Variants in RBFOX1 observed in about 807,000 individuals in gnomAD.
RBFOX1 encodes RNA binding fox-1 homolog 1, also known as RNA binding protein fox-1 homolog 1.
In RBFOX1, 8 loss-of-function variants were observed where a neutral mutation model predicts 57.7. That is an observed-to-expected ratio of 0.14 (90% confidence interval 0.08 to 0.25). The LOEUF is 0.25. RBFOX1 is among the 10% of genes least tolerant of loss of function. The pLI is 1.00. For missense variants in RBFOX1, 611 were observed against 548.5 expected, an observed-to-expected ratio of 1.11 and a Z score of -1.14; for synonymous variants, 326 against 222.4, an observed-to-expected ratio of 1.47 and a Z score of -4.15.
At chr16:6,182,896 CT>C (rs1199642083) in intron 1 of RBFOX1, among the ~76,000 whole-genome samples, 2 of 152,032 alleles carry the variant, frequency 1.3e-5, no homozygotes, top group African/African-American at 2.4e-5. Flanking sequence ...TGTTAATGTA[CT>C]TTTATCAGCT....
Position 6,108,838 on chromosome 16 carries a change from A to G in RBFOX1, c.-127+88846A>G, listed in dbSNP as rs149560345. Reference sequence around the variant, plus strand: ...CACATCACCTTTTCCTCTTCTGTACACGTCTGATCTCCCTCTGCTCTCTCT... The same window carrying G: ...CACATCACCTTTTCCTCTTCTGTACGCGTCTGATCTCCCTCTGCTCTCTCT... On this transcript the variant is annotated intron_variant, in intron 1 of 15. Transcript: ENST00000550418. 8.2e-4 allele frequency among the ~76,000 whole-genome samples: 124 copies of G among 152,074 alleles called. 1 individual carries two copies. The East Asian group carries it at 0.022, about 27-fold the overall frequency.
intron 3 of RBFOX1, among the ~76,000 whole-genome samples, chr16:6,790,805 G>C (rs1231841452): frequency 6.6e-6 from 1 of 152,124 alleles, no homozygotes; most frequent in Non-Finnish European, 1.5e-5. Flanking sequence ...TTCTGCTAGA[G>C]GGTGGTATTT....
At chr16:5,756,094 A>C (rs569437793) in intron 3 of RBFOX1, among the ~76,000 whole-genome samples, 8 of 152,184 alleles carry the variant, frequency 5.3e-5, no homozygotes, top group Admixed American at 3.9e-4. Context: ...CTTCTAAGTC[A>C]GGCACTAGGA....
chr16:7,108,607 T>C (rs532277732), intron 4 of RBFOX1, among the ~76,000 whole-genome samples: 3 of 152,276 alleles, frequency 2.0e-5, no homozygotes, highest in Admixed American at 6.5e-5. Context: ...TTGTTAGAGA[T>C]ATGATTAATT....
At chr16:7,180,981 G>A (rs1222744506) in intron 4 of RBFOX1, among the ~76,000 whole-genome samples, 1 of 152,190 alleles carries the variant, frequency 6.6e-6, no homozygotes, top group African/African-American at 2.4e-5. Flanking sequence ...TAGAGAAAAA[G>A]CAGTCATAGG....
intron 4 of RBFOX1, among the ~76,000 whole-genome samples, chr16:5,948,350 C>T (rs1472812824): frequency 6.6e-6 from 1 of 152,192 alleles, no homozygotes; most frequent in Non-Finnish European, 1.5e-5. Flanking sequence ...TGGCCATCTT[C>T]TCCTCCGTGG....
intron 2 of RBFOX1, among the ~76,000 whole-genome samples, chr16:5,525,555 T>C (rs1007020283): frequency 2.1e-5 from 3 of 141,136 alleles, no homozygotes; most frequent in African/African-American, 8.0e-5. Flanking sequence ...TGGAGTGCAG[T>C]GGCGTGATCT....
At chr16:6,901,861 C>G (rs987758525) in intron 3 of RBFOX1, among the ~76,000 whole-genome samples, 2 of 152,122 alleles carry the variant, frequency 1.3e-5, no homozygotes, top group Non-Finnish European at 2.9e-5. Flanking sequence ...GAAAAATGTT[C>G]TGGAGTTCCC....
chr16:6,571,710 A>G (rs549229636), intron 2 of RBFOX1, among the ~76,000 whole-genome samples: 25 of 152,306 alleles, frequency 1.6e-4, no homozygotes, highest in African/African-American at 5.1e-4. Flanking sequence ...AGGATCAGTC[A>G]GGAAATATTT....
chr16:6,444,450 A>T (rs1185682179), intron 2 of RBFOX1, among the ~76,000 whole-genome samples: 1 of 152,172 alleles, frequency 6.6e-6, no homozygotes, highest in South Asian at 2.1e-4. Flanking sequence ...GGTCTTTCTC[A>T]TGCTGTTCTT....
Position 6,962,347 on chromosome 16 carries a change from C to T in RBFOX1, c.-15-89710C>T, listed in dbSNP as rs117387293. Among the ~76,000 whole-genome samples, 459 of 152,224 alleles carry T rather than the reference C, an allele frequency of 3.0e-3. 4 individuals carry two copies. Among genetic ancestry groups the T allele is most frequent in the Non-Finnish European group, 5.6e-3 (384 of 68,006 alleles). On this transcript the variant is annotated intron_variant, in intron 3 of 15. Coordinates refer to ENST00000550418, the MANE Select transcript of RBFOX1 (RefSeq NM_018723.4). ...TTAGCTTAATGACATCTGCAAAGAT[C>T]CTACACATTCATAGGTAGCAAGGGT...
At chr16:6,723,567 T>C (rs545019887) in intron 3 of RBFOX1, among the ~76,000 whole-genome samples, 1 of 152,328 alleles carries the variant, frequency 6.6e-6, no homozygotes, top group Non-Finnish European at 1.5e-5. Context: ...TTGGTTTACT[T>C]TGGAGAAGTG....
chr16:5,848,001 C>A (rs1401943416), intron 3 of RBFOX1, among the ~76,000 whole-genome samples: 1 of 151,980 alleles, frequency 6.6e-6, no homozygotes, highest in Non-Finnish European at 1.5e-5. Context: ...GTGTAAACAC[C>A]CCCAGTAGTG....
chr16:7,037,869 T>C (rs914221509), intron 3 of RBFOX1, among the ~76,000 whole-genome samples: 2 of 152,324 alleles, frequency 1.3e-5, no homozygotes, highest in Admixed American at 6.5e-5. Flanking sequence ...ACTGCCCAGA[T>C]AAGGCCATGG....
At chr16:6,248,913 G>A (rs921151947) in intron 1 of RBFOX1, among the ~76,000 whole-genome samples, 2 of 152,182 alleles carry the variant, frequency 1.3e-5, no homozygotes, top group African/African-American at 4.8e-5. Flanking sequence ...AGCATTTGCT[G>A]TTATTACTTG....
At chr16:5,726,099 C>T (rs140449238) in intron 3 of RBFOX1, among the ~76,000 whole-genome samples, 3 of 151,516 alleles carry the variant, frequency 2.0e-5, no homozygotes, top group Non-Finnish European at 4.4e-5. Flanking sequence ...TTTAATAAAG[C>T]TTTTTCTTTG....
chr16:7,219,399 A>C (rs1274576110), intron 4 of RBFOX1, among the ~76,000 whole-genome samples: 4 of 152,192 alleles, frequency 2.6e-5, no homozygotes, highest in Admixed American at 1.3e-4. Context: ...TTGCACCGTT[A>C]AGAGTAATTG....
chr16:6,432,908 G>A (rs1351449648), intron 2 of RBFOX1, among the ~76,000 whole-genome samples: 1 of 152,292 alleles, frequency 6.6e-6, no homozygotes, highest in African/African-American at 2.4e-5. Context: ...AATCTGGGAG[G>A]TGGATGTTGC....
intron 3 of RBFOX1, among the ~76,000 whole-genome samples, chr16:6,673,637 T>G (rs1380386102): frequency 6.6e-6 from 1 of 152,062 alleles, no homozygotes; most frequent in Admixed American, 6.6e-5. Context: ...GAACACAAAG[T>G]AATGAAATAT....
Sources: allele counts gnomAD v4.1 joint callset (sites outside exome capture counted in the v4.1 genomes callset), GRCh38; gene constraint gnomAD v4.1.1; transcripts MANE v1.5; gene names NCBI Gene and HGNC (gene_info 2026-07-23, HGNC 2026-07-21).